The following TAS2R1 variants were observed in gnomAD, a reference collection of about 807,000 sequenced individuals.
The protein encoded by TAS2R1 is taste 2 receptor member 1.
For missense variants in TAS2R1, 370 were observed against 353.4 expected, an observed-to-expected ratio of 1.05 and a Z score of -0.38; for synonymous variants, 141 against 134.2, an observed-to-expected ratio of 1.05 and a Z score of -0.35.
chr5:9,725,515 G>A, the TAS2R1 span, among the ~76,000 whole-genome samples: 8 of 152,192 alleles, frequency 5.3e-5, no homozygotes, highest in East Asian at 1.9e-4. Context: ...GCCTACCGGC[G>A]CTGCGCTCGA....
the TAS2R1 span, among the ~76,000 whole-genome samples, chr5:9,749,801 G>T: frequency 6.6e-6 from 1 of 152,218 alleles, no homozygotes; most frequent in East Asian, 1.9e-4. Context: ...CTCATGCAAA[G>T]TTATTTGTGG....
chr5:9,900,355 GC>G, the TAS2R1 span, among the ~76,000 whole-genome samples: 1 of 152,154 alleles, frequency 6.6e-6, no homozygotes, highest in Non-Finnish European at 1.5e-5. Flanking sequence ...CATGATTTCA[GC>G]CACCAGTAAG....
At chr5:9,638,247 G>C (rs952108608) in intron 2 of TAS2R1, among the ~76,000 whole-genome samples, 1 of 152,184 alleles carries the variant, frequency 6.6e-6, no homozygotes, top group Non-Finnish European at 1.5e-5. Flanking sequence ...CTGATATCAG[G>C]GGATGTCTGC....
intron 1 of TAS2R1, among the ~76,000 whole-genome samples, chr5:9,672,080 T>G (rs1561374937): frequency 6.6e-6 from 1 of 152,048 alleles, no homozygotes; most frequent in East Asian, 1.9e-4. Flanking sequence ...GGATAACTGA[T>G]TAGCCATATG....
At chr5:9,634,975 G>A (rs1387487761), upstream of TAS2R1, among the ~76,000 whole-genome samples, 2 of 152,002 alleles carry the variant, frequency 1.3e-5, no homozygotes, top group East Asian at 3.9e-4. Context: ...AGGACTTCCA[G>A]TACTATGTTG....
intron 1 of TAS2R1, among the ~76,000 whole-genome samples, chr5:9,675,513 T>C (rs540684938): frequency 6.6e-5 from 10 of 151,322 alleles, no homozygotes; most frequent in Admixed American, 2.6e-4. Context: ...ACCTCCTGGG[T>C]TCAAGTGATT....
intron 1 of TAS2R1, chr5:9,659,963 T>C (rs1372959223): frequency 6.6e-6 from 1 of 152,156 alleles, no homozygotes; most frequent in East Asian, 1.9e-4. Context: ...ACACCAAGCA[T>C]TCATCTATGA....
chr5:9,633,285 G>GTATATATTATATATA (rs1313414972), upstream of TAS2R1, among the ~76,000 whole-genome samples: 1 of 103,348 alleles, frequency 9.7e-6, no homozygotes, highest in African/African-American at 5.1e-5. Flanking sequence ...GTGTGTGTGT[G>GTATATATTATATATA]TGTGTATATT....
chr5:9,834,246 T>C, the TAS2R1 span, among the ~76,000 whole-genome samples: 62 of 152,358 alleles, frequency 4.1e-4, no homozygotes, highest in East Asian at 0.012. Context: ...GCCCCAGCTG[T>C]GCTTCTCCCC....
At chr5:9,858,020 T>C in the TAS2R1 span, among the ~76,000 whole-genome samples, 1 of 151,996 alleles carries the variant, frequency 6.6e-6, no homozygotes, top group African/African-American at 2.4e-5. Context: ...TCTGGGGCTG[T>C]AGGGGCCATC....
the TAS2R1 span, among the ~76,000 whole-genome samples, chr5:9,736,288 AG>A: frequency 6.6e-6 from 1 of 152,210 alleles, no homozygotes; most frequent in Non-Finnish European, 1.5e-5. Flanking sequence ...GACCGCAGAA[AG>A]CTAGCACTGC....
intron 2 of TAS2R1, among the ~76,000 whole-genome samples, chr5:9,644,040 TGGG>T (rs1287906627): frequency 6.6e-6 from 1 of 152,024 alleles, no homozygotes; most frequent in Non-Finnish European, 1.5e-5. Flanking sequence ...CTGCAATGTG[TGGG>T]GCAGTATGAA....
chr5:9,646,973 G>C (rs1364388502), intron 2 of TAS2R1, among the ~76,000 whole-genome samples: 1 of 152,142 alleles, frequency 6.6e-6, no homozygotes, highest in Non-Finnish European at 1.5e-5. Context: ...TGTAATATTT[G>C]TCATAGCGTA....
At chr5:9,776,174 T>C in the TAS2R1 span, among the ~76,000 whole-genome samples, 4 of 152,216 alleles carry the variant, frequency 2.6e-5, no homozygotes, top group Non-Finnish European at 5.9e-5. Context: ...GCTCCCTCTG[T>C]GGACACAGGC....
rs144208944 is a variant in TAS2R1 at position 9,644,816 on chromosome 5, C to T, written c.-81+14605G>A. Reference sequence around the variant, plus strand: ...ATCTCTTTGTGGAAGGATGCCCTGACGAGAGCAGAGTAGGTGAGTCAGAGC... The same window carrying T: ...ATCTCTTTGTGGAAGGATGCCCTGATGAGAGCAGAGTAGGTGAGTCAGAGC... On this transcript the variant is annotated intron_variant, in intron 2 of 2. Coordinates refer to the TAS2R1 transcript ENST00000506620. 9.8e-3 allele frequency among the ~76,000 whole-genome samples: 1,491 copies of T among 152,154 alleles called. 26 individuals carry two copies. Among genetic ancestry groups the T allele is most frequent in the African/African-American group, 0.034 (1,411 of 41,522 alleles).
intron 1 of TAS2R1, among the ~76,000 whole-genome samples, chr5:9,698,706 G>A (rs537799820): frequency 2.0e-5 from 3 of 152,196 alleles, no homozygotes; most frequent in African/African-American, 7.2e-5. Flanking sequence ...ACTCTATAAA[G>A]GCAGAGTGTC....
chr5:9,633,294 TTATA>T (rs200096603), upstream of TAS2R1, among the ~76,000 whole-genome samples: 41 of 67,806 alleles, frequency 6.0e-4, 2 homozygotes, highest in African/African-American at 1.4e-3. Flanking sequence ...TGTGTGTATA[TTATA>T]TATATATATA....
At chr5:9,801,494 A>G in the TAS2R1 span, among the ~76,000 whole-genome samples, 1 of 152,230 alleles carries the variant, frequency 6.6e-6, no homozygotes, top group Admixed American at 6.5e-5. Context: ...TCCAAGAACT[A>G]CTACAGGAAC....
intron 2 of TAS2R1, among the ~76,000 whole-genome samples, chr5:9,658,973 A>G (rs1298624000): frequency 1.3e-5 from 2 of 152,142 alleles, no homozygotes; most frequent in South Asian, 2.1e-4. Flanking sequence ...CTCAGTCTAT[A>G]CTCTGCCTTT....
Sources: gnomAD v4.1 joint callset for allele counts (sites outside exome capture counted in the v4.1 genomes callset) on GRCh38, gnomAD v4.1.1 for gene constraint, MANE v1.5 for transcripts, NCBI Gene and HGNC (gene_info 2026-07-23, HGNC 2026-07-21) for gene names.